The following PPFIA2 variants were observed in gnomAD, a reference collection of about 807,000 sequenced individuals.
The protein encoded by PPFIA2 is PPFI scaffold protein A2, also known as liprin-alpha-2.
PPFIA2 carries 46 observed loss-of-function variants against 175.5 expected under a neutral mutation model. The observed-to-expected ratio is 0.26, with a 90% CI of 0.21 to 0.34. PPFIA2 has a LOEUF of 0.34. Ranked by LOEUF, PPFIA2 falls within the 10% of genes least tolerant of loss-of-function variation. The pLI, the probability that PPFIA2 is intolerant of heterozygous loss-of-function variation, is 1.00. For missense variants in PPFIA2, 1,179 were observed against 1,506.1 expected (o/e 0.78, Z 3.60); for synonymous variants, 568 against 511.4 (o/e 1.11, Z -1.49).
chr12:81,461,300 TC>T (rs2054500942), intron 4 of PPFIA2, among the ~76,000 whole-genome samples: 1 of 152,068 alleles, frequency 6.6e-6, no homozygotes, highest in Non-Finnish European at 1.5e-5. Flanking sequence ...TTGTTCAAGG[TC>T]ACCGCTCAAT....
At chr12:81,704,447 G>C (rs2076863320) in intron 3 of PPFIA2, among the ~76,000 whole-genome samples, 1 of 152,038 alleles carries the variant, frequency 6.6e-6, no homozygotes, top group African/African-American at 2.4e-5. Flanking sequence ...AAAACAACTT[G>C]AAAAGGATAT....
chr12:81,674,859 A>T (rs1315978849), intron 4 of PPFIA2, among the ~76,000 whole-genome samples: 1 of 151,932 alleles, frequency 6.6e-6, no homozygotes, highest in Non-Finnish European at 1.5e-5. Context: ...TAGATACCTT[A>T]GATACTTAGG....
intron 14 of PPFIA2, 60 bp downstream of exon 14, chr12:81,367,048 C>A: frequency 7.2e-7 from 1 of 1,395,862 alleles, no homozygotes; most frequent in South Asian, 1.5e-5. Context: ...ACAAAACATT[C>A]ATCAGTGGAA....
intron 3 of PPFIA2, among the ~76,000 whole-genome samples, chr12:81,681,487 A>G (rs1360741923): frequency 2.6e-5 from 4 of 152,030 alleles, no homozygotes; most frequent in Non-Finnish European, 4.4e-5. Flanking sequence ...AGCTCTAAGT[A>G]GAGTGAGACT....
Position 81,677,349 on chromosome 12 carries a change from G to A in PPFIA2, c.250-505C>T, listed in dbSNP as rs80262087. ...TTTATCATTTCATTGTTTTGGAAAC[G>A]TTCCAAATATGCTCTTCTGGCTATC... is the stretch of plus-strand genomic sequence containing the variant. On this transcript the variant is annotated intron_variant, in intron 3 of 32. Coordinates refer to ENST00000549396, the MANE Select transcript of PPFIA2 (RefSeq NM_003625.5). Among the ~76,000 whole-genome samples the A allele has an allele frequency of 5.3e-5, 8 of 151,908 alleles. No homozygotes were observed. In the East Asian group the frequency reaches 9.7e-4, roughly 18 times the overall value.
chr12:81,542,677 C>G (rs1450644854), intron 4 of PPFIA2, among the ~76,000 whole-genome samples: 5 of 152,006 alleles, frequency 3.3e-5, no homozygotes, highest in Admixed American at 1.3e-4. Flanking sequence ...AAAGCTTTTA[C>G]CTTAGAAAAT....
At chr12:81,475,736 C>G (rs555002186) in intron 4 of PPFIA2, among the ~76,000 whole-genome samples, 4 of 152,182 alleles carry the variant, frequency 2.6e-5, no homozygotes, top group South Asian at 4.2e-4. Flanking sequence ...TGTTTTGAGA[C>G]GAGTCTCCTT....
intron 7 of PPFIA2, among the ~76,000 whole-genome samples, chr12:81,425,618 C>T (rs1032616047): frequency 6.6e-6 from 1 of 152,190 alleles, no homozygotes; most frequent in Non-Finnish European, 1.5e-5. Context: ...CTCATGGTCA[C>T]CCAACTTGGG....
chr12:81,322,172 G>A lies in PPFIA2; in HGVS notation c.2642+3605C>T, dbSNP rs577116788. Among the ~76,000 whole-genome samples the A allele has an allele frequency of 5.9e-5, 9 of 152,204 alleles. No homozygotes were observed. The East Asian group carries it at 7.7e-4, about 13-fold the overall frequency. ...GCTTTAATCGGCTATCCTGAACTTC[G>A]AAGCTTTTAGGTTAAAACATAGGCT... On this transcript the variant is annotated intron_variant, in intron 22 of 32. Coordinates refer to ENST00000549396, the MANE Select transcript of PPFIA2 (RefSeq NM_003625.5).
At chr12:81,419,032 TC>T (rs1368725237) in intron 7 of PPFIA2, among the ~76,000 whole-genome samples, 2 of 152,048 alleles carry the variant, frequency 1.3e-5, no homozygotes, top group African/African-American at 4.8e-5. Flanking sequence ...GAAATTTATT[TC>T]ACCGAATTTA....
intron 4 of PPFIA2, among the ~76,000 whole-genome samples, chr12:81,591,896 T>C (rs1018051977): frequency 2.0e-5 from 3 of 151,868 alleles, no homozygotes; most frequent in African/African-American, 4.8e-5. Context: ...CACCATTGCT[T>C]GCCTCCAGAC....
chr12:81,284,166 A>C (rs2042733597), intron 25 of PPFIA2, 75 bp downstream of exon 25: 1 of 1,156,110 alleles, frequency 8.6e-7, no homozygotes, highest in Non-Finnish European at 1.3e-6. Flanking sequence ...GGTCTATTGT[A>C]AACAGATTAG....
chr12:81,750,012 T>C (rs2083544024), intron 3 of PPFIA2, among the ~76,000 whole-genome samples: 1 of 143,812 alleles, frequency 7.0e-6, no homozygotes, highest in African/African-American at 2.4e-5. Flanking sequence ...AGCTTATAGA[T>C]TAGGTTGGGG....
At chr12:81,702,447 T>A (rs1006903258) in intron 3 of PPFIA2, among the ~76,000 whole-genome samples, 2 of 152,178 alleles carry the variant, frequency 1.3e-5, no homozygotes, top group African/African-American at 4.8e-5. Flanking sequence ...ATCTTGTCTA[T>A]ATCACCAAAT....
At chr12:81,466,872 A>C (rs1172408831) in intron 4 of PPFIA2, among the ~76,000 whole-genome samples, 1 of 147,258 alleles carries the variant, frequency 6.8e-6, no homozygotes, top group Non-Finnish European at 1.5e-5. Flanking sequence ...TATAATTTTT[A>C]ATATATATAA....
At chr12:81,669,352 C>T (rs2070980536) in intron 4 of PPFIA2, among the ~76,000 whole-genome samples, 2 of 151,950 alleles carry the variant, frequency 1.3e-5, no homozygotes, top group South Asian at 2.1e-4. Flanking sequence ...TGTGAGCACA[C>T]AAATATGTCC....
chr12:81,493,426 G>A (rs2059628069), intron 4 of PPFIA2, among the ~76,000 whole-genome samples: 1 of 151,994 alleles, frequency 6.6e-6, no homozygotes, highest in South Asian at 2.1e-4. Context: ...TTACAGGGAT[G>A]GGAAACACCA....
intron 22 of PPFIA2, among the ~76,000 whole-genome samples, chr12:81,303,777 G>A (rs1594359393): frequency 1.3e-5 from 2 of 152,102 alleles, no homozygotes; most frequent in South Asian, 2.1e-4. Flanking sequence ...AAGAAATGAC[G>A]AGACTCAAAA....
chr12:81,384,050 G>A lies in PPFIA2; in HGVS notation c.957C>T (p.Asn319=), dbSNP rs1421058254. Reference sequence around the variant, plus strand: ...CCCTAATGTCCCTTTGATACTTGGTGTTCATTTCTTCTGTTTTAATGAGAT... The same window carrying A: ...CCCTAATGTCCCTTTGATACTTGGTATTCATTTCTTCTGTTTTAATGAGAT... ...RKDLIKTEEM[N]TKYQRDIREA... Residue 319 remains asparagine, a synonymous_variant, in exon 9 of 33, where the codon AAC becomes AAT. Transcript: ENST00000549396. 1.9e-6 allele frequency: 3 copies of A among 1,612,290 alleles called. No homozygotes were observed. The highest frequency in any genetic ancestry group is 4.5e-5 in the East Asian group (2 of 44,766).
Sources: gnomAD v4.1 joint callset for allele counts (sites outside exome capture counted in the v4.1 genomes callset) on GRCh38, gnomAD v4.1.1 for gene constraint, MANE v1.5 for transcripts, NCBI Gene and HGNC (gene_info 2026-07-23, HGNC 2026-07-21) for gene names.